The following CACNB4 variants were observed in gnomAD, a reference collection of about 807,000 sequenced individuals.
CACNB4 encodes calcium voltage-gated channel auxiliary subunit beta 4.
In CACNB4, 32 loss-of-function variants were observed where a neutral mutation model predicts 71.2. The ratio of observed to expected loss-of-function variants is 0.45; its 90% CI spans 0.34 to 0.60. The LOEUF is 0.60. Ranked by LOEUF, CACNB4 falls within the 20% of genes least tolerant of loss-of-function variation. CACNB4 has a pLI of 0.01. For synonymous variants in CACNB4, 231 were observed against 236.9 expected (o/e 0.97, Z 0.23); for missense variants, 464 against 647.9 (o/e 0.72, Z 3.08).
At chr2:151,973,612 A>C in intron 2 of CACNB4, 2 of 1,473,954 alleles carry the variant, frequency 1.4e-6, no homozygotes, top group Non-Finnish European at 9.5e-7. Context: ...GGTGGAGGGG[A>C]TAGTGGGAGG....
rs573619355 is a variant in CACNB4, at chr2:152,006,488, C to T, written c.147+91842G>A. Among the ~76,000 whole-genome samples the T allele has an allele frequency of 5.9e-5, 9 of 151,662 alleles. No individual in the cohort carries two copies. The Middle Eastern group carries it at 0.01, about 173-fold the overall frequency. On this transcript the variant is annotated intron_variant, in intron 2 of 13. Coordinates refer to ENST00000539935, the MANE Select transcript of CACNB4 (RefSeq NM_000726.5). ...TGCAGTCTCGGCTCACTGAAACCTC[C>T]GCCTCCTGGGTTCAAGCGATTCATG...
intron 9 of CACNB4, among the ~76,000 whole-genome samples, chr2:151,863,093 T>C (rs996689525): frequency 6.6e-6 from 1 of 151,638 alleles, no homozygotes; most frequent in Non-Finnish European, 1.5e-5. Context: ...TGAGTCGGAG[T>C]CTCGCTCTGT....
chr2:151,940,551 G>T (rs569093461), intron 2 of CACNB4, among the ~76,000 whole-genome samples: 13 of 152,278 alleles, frequency 8.5e-5, no homozygotes, highest in African/African-American at 2.9e-4. Context: ...CCACAGACTT[G>T]GGAGGTTCAG....
chr2:152,054,986 C>T (rs1461869061), intron 2 of CACNB4, among the ~76,000 whole-genome samples: 3 of 152,088 alleles, frequency 2.0e-5, no homozygotes, highest in African/African-American at 7.2e-5. Flanking sequence ...ATAAGATTTG[C>T]AAATATTTCC....
intron 2 of CACNB4, among the ~76,000 whole-genome samples, chr2:151,974,731 C>T (rs191350965): frequency 2.0e-5 from 3 of 151,640 alleles, no homozygotes; most frequent in Non-Finnish European, 2.9e-5. Flanking sequence ...TGCTCCACAC[C>T]GCAACTCAGG....
chr2:152,037,455 G>A (rs72856830), intron 2 of CACNB4, among the ~76,000 whole-genome samples: 5,158 of 152,280 alleles, frequency 0.034, 115 homozygotes, highest in Non-Finnish European at 0.045. Context: ...GAATCGTGCC[G>A]TTCTTAAATC....
intron 2 of CACNB4, among the ~76,000 whole-genome samples, chr2:151,997,596 G>A (rs1238095523): frequency 6.6e-6 from 1 of 152,082 alleles, no homozygotes; most frequent in Non-Finnish European, 1.5e-5. Flanking sequence ...ACATGAAGAT[G>A]AATGCTGAGA....
rs533487987 is a variant in CACNB4 at position 152,096,893 on chromosome 2, A to T, written c.147+1437T>A. On this transcript the variant is annotated intron_variant, in intron 2 of 13. Coordinates refer to ENST00000539935, the MANE Select transcript of CACNB4 (RefSeq NM_000726.5). ...CAGCTTATGGAAAGAACTGCTGTGT[A>T]ATTAGTATTTCCAAGAATTTGCAAC... Among the ~76,000 whole-genome samples the T allele has an allele frequency of 6.6e-5, 10 of 152,344 alleles. No homozygotes were observed. In the South Asian group the frequency reaches 2.1e-3, roughly 32 times the overall value.
At chr2:151,914,784 T>C (rs1015287830) in intron 2 of CACNB4, among the ~76,000 whole-genome samples, 2 of 152,164 alleles carry the variant, frequency 1.3e-5, no homozygotes, top group African/African-American at 4.8e-5. Flanking sequence ...GCCCTATTCA[T>C]CTGATTCACT....
At chr2:152,064,529 C>T (rs933079503) in intron 2 of CACNB4, among the ~76,000 whole-genome samples, 8 of 152,066 alleles carry the variant, frequency 5.3e-5, no homozygotes, top group African/African-American at 1.7e-4. Flanking sequence ...TACAGGCACG[C>T]CACACCATGC....
intron 2 of CACNB4, among the ~76,000 whole-genome samples, chr2:151,977,100 G>A (rs2099873950): frequency 6.6e-6 from 1 of 152,176 alleles, no homozygotes; most frequent in African/African-American, 2.4e-5. Flanking sequence ...GGCTCATCTT[G>A]TGCTGGTGCT....
rs972948363 is a variant in CACNB4 at position 151,838,440 on chromosome 2, T to G, written c.*679A>C. The G allele has an allele frequency of 5.2e-5, 8 of 152,428 alleles. No homozygotes were observed. The highest frequency in any genetic ancestry group is 1.2e-4 in the African/African-American group (5 of 41,408). The allele number at this position is 152,428 out of a possible 1,614,324, so 9.4% of individuals were successfully genotyped here. ...TACAACAGCTGTGCCAGGAAAGAAA[T>G]AAAAATATTAAAATCTGAGGAGACT... On this transcript the variant is annotated 3_prime_UTR_variant, in exon 14 of 14. Coordinates refer to ENST00000539935, the MANE Select transcript of CACNB4 (RefSeq NM_000726.5).
At chr2:151,925,839 T>C (rs1239444545) in intron 2 of CACNB4, among the ~76,000 whole-genome samples, 2 of 152,050 alleles carry the variant, frequency 1.3e-5, no homozygotes, top group East Asian at 1.9e-4. Flanking sequence ...TGCTGATGGA[T>C]TGGATGCAGG....
intron 12 of CACNB4, 128 bp from the exon 13 acceptor site, chr2:151,842,216 A>G: frequency 3.1e-6 from 2 of 640,238 alleles, no homozygotes; most frequent in Non-Finnish European, 5.4e-6. Flanking sequence ...GAGGTGCTAT[A>G]TGGGCAGTTT....
At chr2:152,096,131 T>C (rs924110796) in intron 2 of CACNB4, among the ~76,000 whole-genome samples, 14 of 152,206 alleles carry the variant, frequency 9.2e-5, no homozygotes, top group African/African-American at 3.4e-4. Context: ...CAGAAGTCTG[T>C]ATGATGTCAT....
At chr2:152,059,894 T>C (rs941313764) in intron 2 of CACNB4, among the ~76,000 whole-genome samples, 3 of 152,194 alleles carry the variant, frequency 2.0e-5, no homozygotes, top group African/African-American at 7.2e-5. Flanking sequence ...GGTTCCCCCA[T>C]GCTGTTCTCA....
intron 10 of CACNB4, chr2:151,860,388 A>G (rs549710211): frequency 1.7e-4 from 61 of 349,090 alleles, no homozygotes; most frequent in Non-Finnish European, 3.0e-4. Flanking sequence ...CAGGTATGAC[A>G]GATATCATTA....
chr2:151,940,648 T>C (rs1309141341), intron 2 of CACNB4, among the ~76,000 whole-genome samples: 1 of 152,200 alleles, frequency 6.6e-6, no homozygotes, highest in Non-Finnish European at 1.5e-5. Context: ...AATTTCTTCA[T>C]GTATAAAATG....
chr2:151,884,905 T>C (rs2099848961), intron 2 of CACNB4, among the ~76,000 whole-genome samples: 2 of 152,224 alleles, frequency 1.3e-5, no homozygotes. Flanking sequence ...TTGAAAAACA[T>C]AGACCTATCC....
Sources: allele counts gnomAD v4.1 joint callset (sites outside exome capture counted in the v4.1 genomes callset), GRCh38; gene constraint gnomAD v4.1.1; transcripts MANE v1.5; gene names NCBI Gene and HGNC (gene_info 2026-07-23, HGNC 2026-07-21).